PIWIL1: variants seen among roughly 807,000 people sequenced by gnomAD.
The protein encoded by PIWIL1 is piwi-like protein 1.
In PIWIL1, 73 loss-of-function variants were observed where a neutral mutation model predicts 114.4. The observed-to-expected ratio is 0.64, with a 90% CI of 0.53 to 0.78. PIWIL1 has a LOEUF of 0.78. Ranked by LOEUF, PIWIL1 falls within the 30% of genes least tolerant of loss-of-function variation. PIWIL1 has a pLI of 0.00. For synonymous variants in PIWIL1, 375 were observed against 369.0 expected, an observed-to-expected ratio of 1.02 and a Z score of -0.19; for missense variants, 723 against 1,063.1, an observed-to-expected ratio of 0.68 and a Z score of 4.45.
intron 19 of PIWIL1, among the ~76,000 whole-genome samples, chr12:130,368,894 T>TA (rs1239042881): frequency 1.3e-5 from 2 of 151,990 alleles, no homozygotes. Context: ...TTTTTTTTTT[T>TA]AGTTTCATTT....
the PIWIL1 span, among the ~76,000 whole-genome samples, chr12:130,381,708 T>C: frequency 6.6e-6 from 1 of 152,232 alleles, no homozygotes; most frequent in African/African-American, 2.4e-5. Flanking sequence ...GGTAAGACTA[T>C]GTTTAGTTTT....
intron 6 of PIWIL1, among the ~76,000 whole-genome samples, 199 bp downstream of exon 6, chr12:130,347,261 C>T (rs1317157470): frequency 6.6e-6 from 1 of 152,178 alleles, no homozygotes; most frequent in Non-Finnish European, 1.5e-5. Context: ...GCCTTTACTT[C>T]CCTAATTCTG....
rs201685412 is a variant in PIWIL1 at position 130,355,581 on chromosome 12, G to C, written c.1318G>C (p.Asp440His). 1 of 1,614,034 alleles carries C rather than the reference G, an allele frequency of 6.2e-7. No individual in the cohort carries two copies. The highest frequency in any genetic ancestry group is 8.5e-7 in the Non-Finnish European group (1 of 1,179,836). Residue 440 changes from aspartate to histidine, a missense_variant, in exon 12 of 21, where the codon GAC (aspartate) becomes CAC (histidine). By Grantham distance (81) the Asp-to-His change is moderately conservative (BLOSUM62 -1). Transcript: ENST00000245255. ...KNDNVQRELR[D>H]WGLSFDSNLL... ...CGATAATGTTCAAAGGGAGCTTCGAGACTGGGGTTTGAGCTTTGATTCCAA... is the reference window on the plus strand; with the variant it reads ...CGATAATGTTCAAAGGGAGCTTCGACACTGGGGTTTGAGCTTTGATTCCAA...
chr12:130,406,024 A>G, the PIWIL1 span: 3 of 618,390 alleles, frequency 4.9e-6, no homozygotes, highest in South Asian at 4.2e-5. Context: ...GCAAAGTTCT[A>G]TAACTCAGCC....
intron 3 of PIWIL1, among the ~76,000 whole-genome samples, chr12:130,343,861 T>G (rs1361709371): frequency 6.6e-6 from 1 of 152,142 alleles, no homozygotes; most frequent in Non-Finnish European, 1.5e-5. Context: ...TCTCCTGACC[T>G]CGTGATCCTC....
chr12:130,375,973 G>A (rs1308069111), downstream of PIWIL1, among the ~76,000 whole-genome samples: 4 of 152,100 alleles, frequency 2.6e-5, no homozygotes, highest in Non-Finnish European at 4.4e-5. Context: ...TCTCTTGCTG[G>A]TTCTTGTCTC....
intron 9 of PIWIL1, among the ~76,000 whole-genome samples, chr12:130,350,793 T>G (rs138851921): frequency 6.6e-6 from 1 of 152,232 alleles, no homozygotes; most frequent in Admixed American, 6.5e-5. Context: ...TCTAAAAATT[T>G]GGATAAATGA....
chr12:130,416,346 A>G, the PIWIL1 span, among the ~76,000 whole-genome samples: 1 of 152,240 alleles, frequency 6.6e-6, no homozygotes, highest in African/African-American at 2.4e-5. Context: ...TACAGTCACT[A>G]TAATAGCATG....
At chr12:130,414,226 G>A in the PIWIL1 span, 6 of 1,614,124 alleles carry the variant, frequency 3.7e-6, no homozygotes, top group Admixed American at 1.7e-5. Context: ...ACAAAGATCC[G>A]GGCCGGGAGC....
chr12:130,407,756 G>T, the PIWIL1 span: 14 of 1,614,034 alleles, frequency 8.7e-6, no homozygotes, highest in Non-Finnish European at 1.1e-5. Context: ...AGCTTTCTCT[G>T]GGGTCGTAGT....
the PIWIL1 span, among the ~76,000 whole-genome samples, chr12:130,408,915 C>T: frequency 6.6e-6 from 1 of 152,198 alleles, no homozygotes; most frequent in Non-Finnish European, 1.5e-5. Flanking sequence ...AGCGATTACT[C>T]TCCCCTTGGG....
At chr12:130,400,365 G>A in the PIWIL1 span, among the ~76,000 whole-genome samples, 1 of 152,212 alleles carries the variant, frequency 6.6e-6, no homozygotes, top group African/African-American at 2.4e-5. Context: ...GAAAGTGTCT[G>A]TTGATAACCT....
chr12:130,374,479 T>G (rs559065090), downstream of PIWIL1, among the ~76,000 whole-genome samples: 1 of 152,294 alleles, frequency 6.6e-6, no homozygotes, highest in African/African-American at 2.4e-5. Flanking sequence ...CTGTAAAATT[T>G]TCAAGAGTAG....
chr12:130,339,205 G>C (rs2072825222), intron 1 of PIWIL1, among the ~76,000 whole-genome samples: 1 of 152,110 alleles, frequency 6.6e-6, no homozygotes, highest in Non-Finnish European at 1.5e-5. Flanking sequence ...CGAGGCCCGG[G>C]GGTCCTCGCG....
chr12:130,355,761 C>A, intron 12 of PIWIL1, 94 bp downstream of exon 12: 1 of 861,838 alleles, frequency 1.2e-6, no homozygotes. Flanking sequence ...TCTCAGCTCA[C>A]TGCAAGCTCC....
the PIWIL1 span, chr12:130,424,702 G>A: frequency 8.1e-7 from 1 of 1,232,202 alleles, no homozygotes; most frequent in South Asian, 4.1e-5. The surrounding 1 kb of genome is among the most constrained non-coding windows in gnomAD (Gnocchi z 9.8). Flanking sequence ...CTGGCCCTGG[G>A]GGACGGCCCT....
At chr12:130,414,513 T>C in the PIWIL1 span, 5 of 464,946 alleles carry the variant, frequency 1.1e-5, no homozygotes, top group Non-Finnish European at 1.9e-5. Flanking sequence ...ACTCTGTACC[T>C]GGCCACACTG....
At chr12:130,342,694 A>G (rs758722961) in intron 2 of PIWIL1, 25 bp downstream of exon 2, 1 of 1,554,232 alleles carries the variant, frequency 6.4e-7, no homozygotes, top group South Asian at 1.1e-5. Context: ...GTTTCTGACT[A>G]CAGAAAATGT....
At chr12:130,409,943 G>T in the PIWIL1 span, among the ~76,000 whole-genome samples, 1 of 152,184 alleles carries the variant, frequency 6.6e-6, no homozygotes, top group African/African-American at 2.4e-5. Context: ...TATTGTAAGT[G>T]CACATATAAC....
Sources: allele counts gnomAD v4.1 joint callset (sites outside exome capture counted in the v4.1 genomes callset), GRCh38; gene constraint gnomAD v4.1.1; non-coding constraint Gnocchi (gnomAD v3.1); transcripts MANE v1.5; gene names NCBI Gene and HGNC (gene_info 2026-07-23, HGNC 2026-07-21).